The following FAM149B1 variants were observed in gnomAD, a reference collection of about 807,000 sequenced individuals.
FAM149B1 encodes the protein family with sequence similarity 149 member B1.
FAM149B1 carries 56 observed loss-of-function variants against 75.3 expected under a neutral mutation model. The ratio of observed to expected loss-of-function variants is 0.74; its 90% CI spans 0.60 to 0.93. The LOEUF is 0.93. Ranked by LOEUF, FAM149B1 falls within the 40% of genes least tolerant of loss-of-function variation. The pLI, the probability that FAM149B1 is intolerant of heterozygous loss-of-function variation, is 0.00. For missense variants in FAM149B1, 639 were observed against 708.4 expected, an observed-to-expected ratio of 0.90 and a Z score of 1.11; for synonymous variants, 259 against 256.1, an observed-to-expected ratio of 1.01 and a Z score of -0.11.
At chr10:73,239,503 C>T (rs1182932667) in intron 13 of FAM149B1, 119 bp downstream of exon 13, 2 of 721,536 alleles carry the variant, frequency 2.8e-6, no homozygotes, top group Non-Finnish European at 4.5e-6. Flanking sequence ...TAATGTTTTC[C>T]CACATCTTTG....
Position 73,168,377 on chromosome 10 carries a change from G to C in FAM149B1, c.38G>C (p.Ser13Thr). ...SRYTRKAVPQ[S>T]LELKGITKHA... Reference sequence around the variant, plus strand: ...TACACTCGGAAGGCGGTGCCACAGAGCTTGGAGCTGTGAGTGGACTGCTCA... The same window carrying C: ...TACACTCGGAAGGCGGTGCCACAGACCTTGGAGCTGTGAGTGGACTGCTCA... Residue 13 changes from serine to threonine, a missense_variant, in exon 1 of 14, where the codon AGC becomes ACC. Transcript: ENST00000242505. 6.5e-7 allele frequency: 1 copy of C among 1,550,008 alleles called. No homozygotes were observed. Among genetic ancestry groups the C allele is most frequent in the Non-Finnish European group, 8.7e-7 (1 of 1,146,836 alleles).
At chr10:73,185,054 T>G (rs1379224735) in intron 3 of FAM149B1, among the ~76,000 whole-genome samples, 1 of 152,120 alleles carries the variant, frequency 6.6e-6, no homozygotes, top group Non-Finnish European at 1.5e-5. Flanking sequence ...AGGGCATAAC[T>G]CAACCCTACA....
intron 3 of FAM149B1, among the ~76,000 whole-genome samples, chr10:73,188,830 G>C (rs766081440): frequency 1.3e-5 from 2 of 151,208 alleles, no homozygotes; most frequent in Non-Finnish European, 2.9e-5. Flanking sequence ...ATCACAGATT[G>C]GGAGAGAATA....
chr10:73,190,593 A>AGATAT (rs1439400050), intron 3 of FAM149B1, among the ~76,000 whole-genome samples: 1 of 152,206 alleles, frequency 6.6e-6, no homozygotes, highest in African/African-American at 2.4e-5. Context: ...TTTCAAACAT[A>AGATAT]GATATGACTT....
At chr10:73,229,988 G>A (rs758582912) in intron 8 of FAM149B1, among the ~76,000 whole-genome samples, 13 of 152,184 alleles carry the variant, frequency 8.5e-5, no homozygotes, top group African/African-American at 1.2e-4. Context: ...CTGCTCCACA[G>A]GTAGTGAAAG....
At position 73,241,218 on chromosome 10, in the gene FAM149B1, C is replaced by A; in HGVS notation, c.*199C>A. 3.7e-6 allele frequency: 2 copies of A among 540,840 alleles called. No individual in the cohort carries two copies. The highest frequency in any genetic ancestry group is 6.6e-6 in the Non-Finnish European group (2 of 300,922). 33.5% of individuals were successfully genotyped at this position (540,840 alleles called of 1,614,324 possible). ...TGAGTGTTGTTTCTATCTCCAGTTACTGTCTCTTTCAGCAGAAATTAACCT... is the reference window on the plus strand; with the variant it reads ...TGAGTGTTGTTTCTATCTCCAGTTAATGTCTCTTTCAGCAGAAATTAACCT... On this transcript the variant is annotated 3_prime_UTR_variant, in exon 14 of 14. Coordinates refer to ENST00000242505, the MANE Select transcript of FAM149B1 (RefSeq NM_173348.2).
At chr10:73,174,462 A>G (rs1241439949) in intron 1 of FAM149B1, among the ~76,000 whole-genome samples, 2 of 152,250 alleles carry the variant, frequency 1.3e-5, no homozygotes, top group African/African-American at 2.4e-5. Context: ...TCATTTTAAT[A>G]TGTAATCAAG....
At chr10:73,175,817 G>A (rs1057492855) in intron 2 of FAM149B1, among the ~76,000 whole-genome samples, 3 of 151,896 alleles carry the variant, frequency 2.0e-5, no homozygotes, top group African/African-American at 7.3e-5. Context: ...TTTTAATCCT[G>A]GTCCTACAAC....
Position 73,210,377 on chromosome 10 carries a change from G to T in FAM149B1, c.837G>T (p.Trp279Cys). The T allele has an allele frequency of 1.3e-6, 2 of 1,551,622 alleles. No individual in the cohort carries two copies. The highest frequency in any genetic ancestry group is 1.7e-6 in the Non-Finnish European group (2 of 1,146,910). ...DVLAYVFDSVWCKVVSCMEQL... is the reference protein window; with the variant it reads ...DVLAYVFDSVCCKVVSCMEQL... ...TTGCTTATGTGTTTGACAGTGTATG[G>T]TGCAAGGTTGTGAGCTGTATGGAGC... is the stretch of plus-strand genomic sequence containing the variant. The change falls in exon 7 of 14, where the codon TGG (tryptophan) becomes TGT (cysteine). Residue 279 changes from tryptophan (W) to cysteine (C), a missense_variant. Physicochemically the swap from Trp to Cys is radical, Grantham distance 215. Coordinates refer to ENST00000242505, the MANE Select transcript of FAM149B1 (RefSeq NM_173348.2).
In FAM149B1 at chr10:73,242,531, T is replaced by C. The variant is rs1236906528; in HGVS notation, c.*1512T>C. On this transcript the variant is annotated 3_prime_UTR_variant, in exon 14 of 14. Transcript: ENST00000242505. ...CAAAAAACTGGACATGTTTAATACA[T>C]ACAGTTTGACAAATTTGGATTTCAC... is the stretch of plus-strand genomic sequence containing the variant. 1 of 151,848 alleles carries C rather than the reference T, an allele frequency of 6.6e-6. No homozygotes were observed. The highest frequency in any genetic ancestry group is 1.9e-4 in the East Asian group (1 of 5,138). 9.4% of individuals were successfully genotyped at this position (151,848 alleles called of 1,614,324 possible).
chr10:73,215,060 T>C (rs2043266861), intron 7 of FAM149B1, among the ~76,000 whole-genome samples: 1 of 152,186 alleles, frequency 6.6e-6, no homozygotes, highest in Non-Finnish European at 1.5e-5. Flanking sequence ...TCACCCAGGC[T>C]GGAGTGCAGT....
intron 3 of FAM149B1, among the ~76,000 whole-genome samples, chr10:73,179,680 C>T (rs1183220855): frequency 6.6e-6 from 1 of 152,056 alleles, no homozygotes; most frequent in Non-Finnish European, 1.5e-5. Context: ...TGAGCCACTG[C>T]ACCCAGCCAG....
chr10:73,182,571 C>T (rs951924169), intron 3 of FAM149B1, among the ~76,000 whole-genome samples: 2 of 152,208 alleles, frequency 1.3e-5, no homozygotes. Flanking sequence ...CTTTCCATCT[C>T]TCTCATCTGA....
intron 7 of FAM149B1, among the ~76,000 whole-genome samples, chr10:73,213,967 C>CA (rs2043244088): frequency 6.6e-6 from 1 of 152,026 alleles, no homozygotes; most frequent in Non-Finnish European, 1.5e-5. Context: ...GATGTTTTTC[C>CA]ATGTGTTTGT....
chr10:73,234,809 A>C lies in FAM149B1; in HGVS notation c.1353-8A>C. 1 of 1,551,106 alleles carries C rather than the reference A, an allele frequency of 6.4e-7. No individual in the cohort carries two copies. Among genetic ancestry groups the C allele is most frequent in the African/African-American group, 1.4e-5 (1 of 73,120 alleles). On this transcript the variant is annotated splice_polypyrimidine_tract_variant and splice_region_variant and intron_variant, in intron 10 of 13. Coordinates refer to ENST00000242505, the MANE Select transcript of FAM149B1 (RefSeq NM_173348.2). ...TCATACCTTCGTGTTTGTTGGTGGG[A>C]TCTGCAGCCCAGTGGCACCCGACTC...
At chr10:73,238,794 T>A (rs1006336282) in intron 12 of FAM149B1, 6 of 152,374 alleles carry the variant, frequency 3.9e-5, no homozygotes, top group Non-Finnish European at 5.9e-5. Flanking sequence ...TATTTGATAT[T>A]TGCATTTTAA....
In FAM149B1 at chr10:73,182,176, G is replaced by A. The variant is rs181763095; in HGVS notation, c.282+4201G>A. Among the ~76,000 whole-genome samples, 383 of 146,730 alleles carry A rather than the reference G, an allele frequency of 2.6e-3. 1 individual carries two copies. Among genetic ancestry groups the A allele is most frequent in the African/African-American group, 9.2e-3 (364 of 39,636 alleles). On this transcript the variant is annotated intron_variant, in intron 3 of 13. Transcript: ENST00000242505. The stretch of plus-strand genomic sequence containing the variant: ...GTTTCTTGTAGGCAACAGATCAATG[G>A]GTCTTGTTTTTTCATCCATTCACCC...
At chr10:73,215,003 T>C (rs1257094072) in intron 7 of FAM149B1, among the ~76,000 whole-genome samples, 1 of 152,060 alleles carries the variant, frequency 6.6e-6, no homozygotes, top group Non-Finnish European at 1.5e-5. Context: ...TTGTTGTTGT[T>C]GTTTGTTTTT....
At chr10:73,175,078 AC>A (rs1843887842) in intron 2 of FAM149B1, among the ~76,000 whole-genome samples, 1 of 152,200 alleles carries the variant, frequency 6.6e-6, no homozygotes. Context: ...AAACAAAAAA[AC>A]AGAACATGGA....
Sources: gnomAD v4.1 joint callset for allele counts (sites outside exome capture counted in the v4.1 genomes callset) on GRCh38, gnomAD v4.1.1 for gene constraint, MANE v1.5 for transcripts, NCBI Gene and HGNC (gene_info 2026-07-23, HGNC 2026-07-21) for gene names.